TBCK: variants seen among roughly 807,000 people sequenced by gnomAD.
The protein encoded by TBCK is TBC domain-containing protein kinase-like protein.
Under a neutral mutation model 113.4 loss-of-function variants are expected in TBCK, and 99 were observed. The observed-to-expected ratio is 0.87, with a 90% CI of 0.74 to 1.03. The LOEUF is 1.03. Among genes scored for constraint, TBCK ranks in the 50% least tolerant of loss-of-function variants. The pLI is 0.00. For synonymous variants in TBCK, 369 were observed against 370.8 expected (o/e 1.00, Z 0.05); for missense variants, 1,045 against 1,061.3 (o/e 0.98, Z 0.21).
At chr4:106,294,321 C>G (rs774004824) in intron 3 of TBCK, among the ~76,000 whole-genome samples, 2 of 151,862 alleles carry the variant, frequency 1.3e-5, no homozygotes, top group African/African-American at 2.4e-5. Context: ...TCCTGGGTAG[C>G]TGGGATTACA....
chr4:106,198,478 A>T (rs1560805404), intron 20 of TBCK, among the ~76,000 whole-genome samples: 1 of 152,024 alleles, frequency 6.6e-6, no homozygotes, highest in Non-Finnish European at 1.5e-5. Flanking sequence ...TGCACTTTGC[A>T]TTTTCTTCTT....
chr4:106,260,335 G>A, intron 5 of TBCK, 102 bp downstream of exon 5: 1 of 461,308 alleles, frequency 2.2e-6, no homozygotes, highest in Non-Finnish European at 3.6e-6. Context: ...AAAGCTGTTT[G>A]CATATCAAAA....
chr4:106,114,771 C>T (rs1260890054), intron 24 of TBCK, among the ~76,000 whole-genome samples: 1 of 152,096 alleles, frequency 6.6e-6, no homozygotes, highest in Non-Finnish European at 1.5e-5. Context: ...AATAAAGACT[C>T]AAGCAAAAGA....
chr4:106,125,441 T>A (rs1396416359), intron 23 of TBCK, among the ~76,000 whole-genome samples: 1 of 152,134 alleles, frequency 6.6e-6, no homozygotes. Flanking sequence ...ATGCTTGTAA[T>A]CCCATTATTT....
At chr4:106,167,602 A>T (rs969408077) in intron 23 of TBCK, among the ~76,000 whole-genome samples, 5 of 151,672 alleles carry the variant, frequency 3.3e-5, no homozygotes, top group Admixed American at 3.3e-4. Context: ...CCTTGCAAAG[A>T]TGAATAAAAT....
intron 1 of TBCK, among the ~76,000 whole-genome samples, chr4:106,314,158 T>TGTACAA (rs1768502284): frequency 6.6e-6 from 1 of 152,176 alleles, no homozygotes; most frequent in Non-Finnish European, 1.5e-5. Flanking sequence ...ACTTTGACAA[T>TGTACAA]GTACAAGTAA....
intron 5 of TBCK, among the ~76,000 whole-genome samples, chr4:106,252,953 T>C (rs1761593536): frequency 6.6e-6 from 1 of 152,084 alleles, no homozygotes; most frequent in South Asian, 2.1e-4. Context: ...AAATATTGAA[T>C]AAATGCAAAA....
At chr4:106,224,583 T>G (rs1339003828) in intron 19 of TBCK, among the ~76,000 whole-genome samples, 1 of 152,134 alleles carries the variant, frequency 6.6e-6, no homozygotes, top group Non-Finnish European at 1.5e-5. Flanking sequence ...AGAAGTAAAC[T>G]AATAAGAGCT....
At chr4:106,111,446 A>T (rs1450129241) in intron 24 of TBCK, among the ~76,000 whole-genome samples, 1 of 152,190 alleles carries the variant, frequency 6.6e-6, no homozygotes, top group Non-Finnish European at 1.5e-5. Flanking sequence ...GGGACAGAGA[A>T]AAATTTGCAT....
At chr4:106,197,130 G>A (rs1289713463) in intron 20 of TBCK, among the ~76,000 whole-genome samples, 1 of 152,060 alleles carries the variant, frequency 6.6e-6, no homozygotes, top group African/African-American at 2.4e-5. Context: ...TGCATGCAAA[G>A]AAGTTCCAGG....
chr4:106,063,808 G>C (rs961101860), intron 25 of TBCK, among the ~76,000 whole-genome samples: 2 of 151,774 alleles, frequency 1.3e-5, no homozygotes, highest in African/African-American at 2.4e-5. Flanking sequence ...TCCACATGAA[G>C]ACACAGCATA....
intron 23 of TBCK, among the ~76,000 whole-genome samples, chr4:106,117,380 T>C (rs996525433): frequency 6.6e-5 from 10 of 152,214 alleles, no homozygotes; most frequent in Non-Finnish European, 7.3e-5. Context: ...ATTTATGTTA[T>C]ATATAAATGG....
intron 1 of TBCK, among the ~76,000 whole-genome samples, chr4:106,312,667 C>T (rs1256721438): frequency 1.3e-5 from 2 of 151,992 alleles, no homozygotes; most frequent in East Asian, 1.9e-4. Flanking sequence ...AGGAACTGTA[C>T]TCTTAATAGC....
rs192315801 is a variant in TBCK at position 106,114,028 on chromosome 4, A to G, written c.2411+2175T>C. ...CATGTCACTCCTTAATTGGAAAAGA[A>G]TGTGGCTAATTATACTCATATTTGT... On this transcript the variant is annotated intron_variant, in intron 24 of 25. Coordinates refer to ENST00000394708, the MANE Select transcript of TBCK (RefSeq NM_001163435.3). Among the ~76,000 whole-genome samples, 91 of 152,346 alleles carry G rather than the reference A, an allele frequency of 6.0e-4. 3 individuals carry two copies. The highest frequency in any genetic ancestry group is 1.8e-3 in the Admixed American group (27 of 15,304).
chr4:106,138,789 G>A (rs1746855655), intron 23 of TBCK, among the ~76,000 whole-genome samples: 1 of 141,060 alleles, frequency 7.1e-6, no homozygotes, highest in Admixed American at 7.0e-5. Context: ...AAAAGTTAAT[G>A]AGAGCAGCCC....
At chr4:106,133,121 G>A (rs1746151607) in intron 23 of TBCK, among the ~76,000 whole-genome samples, 1 of 152,162 alleles carries the variant, frequency 6.6e-6, no homozygotes, top group Non-Finnish European at 1.5e-5. Flanking sequence ...AGGGGCCAGG[G>A]ACAGAATGAT....
chr4:106,279,790 T>C (rs1764398754), intron 3 of TBCK, among the ~76,000 whole-genome samples: 1 of 152,126 alleles, frequency 6.6e-6, no homozygotes, highest in African/African-American at 2.4e-5. Context: ...TGAATAGTAC[T>C]CCATTGTGTA....
At chr4:106,183,378 AC>A (rs1204076048) in intron 22 of TBCK, among the ~76,000 whole-genome samples, 1 of 151,744 alleles carries the variant, frequency 6.6e-6, no homozygotes, top group East Asian at 1.9e-4. Flanking sequence ...CAGTACCACC[AC>A]CCCAGCCCAT....
At chr4:106,180,959 T>C (rs1424139648) in intron 22 of TBCK, among the ~76,000 whole-genome samples, 1 of 152,144 alleles carries the variant, frequency 6.6e-6, no homozygotes, top group African/African-American at 2.4e-5. Context: ...ATCGCCACAA[T>C]GGCTGAACTA....
Sources: allele counts gnomAD v4.1 joint callset (sites outside exome capture counted in the v4.1 genomes callset), GRCh38; gene constraint gnomAD v4.1.1; transcripts MANE v1.5; gene names NCBI Gene and HGNC (gene_info 2026-07-23, HGNC 2026-07-21).